The following SORCS3 variants were observed in gnomAD, a reference collection of about 807,000 sequenced individuals.
The protein encoded by SORCS3 is VPS10 domain-containing receptor SorCS3.
SORCS3 carries 57 observed loss-of-function variants against 146.3 expected under a neutral mutation model. The ratio of observed to expected loss-of-function variants is 0.39; its 90% CI spans 0.31 to 0.49. The LOEUF is 0.49. Ranked by LOEUF, SORCS3 falls within the 20% of genes least tolerant of loss-of-function variation. The pLI, the probability that SORCS3 is intolerant of heterozygous loss-of-function variation, is 0.92. For synonymous variants in SORCS3, 653 were observed against 618.5 expected, an observed-to-expected ratio of 1.06 and a Z score of -0.83; for missense variants, 1,341 against 1,575.5, an observed-to-expected ratio of 0.85 and a Z score of 2.52.
intron 4 of SORCS3, among the ~76,000 whole-genome samples, chr10:105,001,817 G>A (rs1471069762): frequency 6.6e-6 from 1 of 152,184 alleles, no homozygotes; most frequent in African/African-American, 2.4e-5. Context: ...GGCACAATAT[G>A]TCTTTCAATC....
At chr10:105,232,591 T>C (rs2056771736) in intron 20 of SORCS3, among the ~76,000 whole-genome samples, 1 of 151,848 alleles carries the variant, frequency 6.6e-6, no homozygotes, top group Admixed American at 6.6e-5. Flanking sequence ...TTGGAGTTTT[T>C]TTTTTCTTGT....
rs1486387581 is a variant in SORCS3 at position 105,072,657 on chromosome 10, CTCTTTTTTTTTTT to C, written c.1029-17116_1029-17104del. Among the ~76,000 whole-genome samples the C allele has an allele frequency of 5.2e-3, 577 of 110,410 alleles. 10 individuals are homozygous for C. Among genetic ancestry groups the C allele is most frequent in the African/African-American group, 0.015 (432 of 29,780 alleles). 72.4% of individuals were successfully genotyped at this position (110,410 alleles called of 152,430 possible). ...AAACCTTTTCTTTCTTTCTCTCTCT[CTCTTTTTTTTTTT>C]TTTTTTTTTTTTTTTTGGTGGTGAG... On this transcript the variant is annotated intron_variant, in intron 5 of 26. Transcript: ENST00000369701.
intron 2 of SORCS3, among the ~76,000 whole-genome samples, chr10:104,865,892 T>C (rs2018454116): frequency 6.6e-6 from 1 of 152,254 alleles, no homozygotes; most frequent in African/African-American, 2.4e-5. Context: ...TCACAGAGGC[T>C]GTTTGCAGTA....
At chr10:105,005,777 A>G (rs1295902543) in intron 4 of SORCS3, among the ~76,000 whole-genome samples, 3 of 152,088 alleles carry the variant, frequency 2.0e-5, no homozygotes, top group Non-Finnish European at 2.9e-5. Flanking sequence ...ATTTGTCCTA[A>G]TTATCAGCCC....
At chr10:104,833,835 G>A (rs1447090960) in intron 1 of SORCS3, among the ~76,000 whole-genome samples, 2 of 152,126 alleles carry the variant, frequency 1.3e-5, no homozygotes, top group Non-Finnish European at 2.9e-5. Context: ...ATCCAGCTCA[G>A]TGTTTGACTT....
At chr10:105,184,593 G>T (rs2056463259) in intron 14 of SORCS3, among the ~76,000 whole-genome samples, 1 of 152,122 alleles carries the variant, frequency 6.6e-6, no homozygotes, top group African/African-American at 2.4e-5. Flanking sequence ...ATGAAATATT[G>T]AAAATATACT....
intron 2 of SORCS3, among the ~76,000 whole-genome samples, chr10:104,875,412 G>T (rs1469753698): frequency 6.6e-6 from 1 of 152,120 alleles, no homozygotes; most frequent in East Asian, 1.9e-4. Flanking sequence ...ACTTGTCTTA[G>T]CTTCAATTTT....
chr10:104,916,048 A>G, intron 3 of SORCS3, 116 bp downstream of exon 3: 1 of 721,472 alleles, frequency 1.4e-6, no homozygotes, highest in Non-Finnish European at 2.4e-6. Context: ...GGTCTGGTTT[A>G]TATGCTGGGA....
At chr10:104,873,055 A>G (rs1427598297) in intron 2 of SORCS3, among the ~76,000 whole-genome samples, 1 of 152,244 alleles carries the variant, frequency 6.6e-6, no homozygotes, top group Non-Finnish European at 1.5e-5. Flanking sequence ...AGAAAAGAGC[A>G]AGGAAAGATC....
intron 4 of SORCS3, among the ~76,000 whole-genome samples, chr10:105,013,512 C>A (rs2055147271): frequency 6.6e-6 from 1 of 151,910 alleles, no homozygotes; most frequent in Non-Finnish European, 1.5e-5. Context: ...TTATTTCAAG[C>A]AAAATCAAAT....
chr10:105,185,680 A>G (rs929733272), intron 14 of SORCS3, among the ~76,000 whole-genome samples: 2 of 152,238 alleles, frequency 1.3e-5, no homozygotes, highest in Non-Finnish European at 2.9e-5. Flanking sequence ...ATTAATAAAT[A>G]TTAATCTGTT....
intron 5 of SORCS3, among the ~76,000 whole-genome samples, chr10:105,060,650 T>G (rs1408086173): frequency 2.6e-5 from 4 of 152,000 alleles, no homozygotes; most frequent in Non-Finnish European, 5.9e-5. Flanking sequence ...TTTAAAAAAG[T>G]TAAAAAGTCT....
intron 25 of SORCS3, among the ~76,000 whole-genome samples, chr10:105,258,287 CT>C: frequency 6.6e-6 from 1 of 152,290 alleles, no homozygotes; most frequent in Admixed American, 6.5e-5. Flanking sequence ...CCCCTGTTCC[CT>C]TTGAAGGGTG....
At chr10:105,129,608 C>T (rs889158334) in intron 7 of SORCS3, among the ~76,000 whole-genome samples, 15 of 151,114 alleles carry the variant, frequency 9.9e-5, no homozygotes, top group African/African-American at 3.2e-4. Flanking sequence ...AATTCAAGTT[C>T]GTATCTGTCC....
At position 105,157,303 on chromosome 10, in the gene SORCS3, T is replaced by G; in HGVS notation, c.1629+19T>G. On this transcript the variant is annotated intron_variant, in intron 10 of 26. Coordinates refer to ENST00000369701, the MANE Select transcript of SORCS3 (RefSeq NM_014978.3). ...CCTGCTGGTCAGTCACTCAGCCTCA[T>G]GGGAAGTTCACAGGGCAGGCTGGCC... 6.2e-7 allele frequency: 1 copy of G among 1,612,990 alleles called. No homozygotes were observed. Among genetic ancestry groups the G allele is most frequent in the Non-Finnish European group, 8.5e-7 (1 of 1,179,256 alleles).
chr10:104,734,390 C>G (rs1348652073), intron 1 of SORCS3, among the ~76,000 whole-genome samples: 1 of 152,210 alleles, frequency 6.6e-6, no homozygotes, highest in Non-Finnish European at 1.5e-5. Context: ...AAAGCAACAG[C>G]AAAGCTCAGG....
intron 13 of SORCS3, among the ~76,000 whole-genome samples, chr10:105,177,581 A>G (rs976885589): frequency 2.6e-5 from 4 of 152,200 alleles, no homozygotes; most frequent in Admixed American, 6.5e-5. Flanking sequence ...AAAGCCCCTT[A>G]AAGTGGCACT....
At chr10:105,097,019 A>G (rs754585485) in intron 6 of SORCS3, among the ~76,000 whole-genome samples, 12 of 152,130 alleles carry the variant, frequency 7.9e-5, no homozygotes, top group Non-Finnish European at 1.6e-4. Context: ...TTTTCTTTTA[A>G]TATATACTGG....
chr10:104,776,367 G>C (rs2017307846), intron 1 of SORCS3, among the ~76,000 whole-genome samples: 2 of 152,092 alleles, frequency 1.3e-5, no homozygotes, highest in East Asian at 3.9e-4. Context: ...TTTCTGCTAG[G>C]CCAGCTCAAA....
Sources: gnomAD v4.1 joint callset for allele counts (sites outside exome capture counted in the v4.1 genomes callset) on GRCh38, gnomAD v4.1.1 for gene constraint, MANE v1.5 for transcripts, NCBI Gene and HGNC (gene_info 2026-07-23, HGNC 2026-07-21) for gene names.